The following CEP85L variants were observed in gnomAD, a reference collection of about 807,000 sequenced individuals.
The protein encoded by CEP85L is centrosomal protein 85L, also known as centrosomal protein of 85 kDa-like.
Under a neutral mutation model 100.3 loss-of-function variants are expected in CEP85L, and 60 were observed. That is an observed-to-expected ratio of 0.60 (90% confidence interval 0.49 to 0.74). The LOEUF (loss-of-function observed/expected upper bound fraction) is 0.74. Among genes scored for constraint, CEP85L ranks in the 30% least tolerant of loss-of-function variants. The probability of loss-of-function intolerance (pLI) is 0.00; values close to 1 mark genes in which losing one functional copy is unlikely to be tolerated. For synonymous variants in CEP85L, 319 were observed against 322.7 expected, an observed-to-expected ratio of 0.99 and a Z score of 0.12; for missense variants, 973 against 936.2, an observed-to-expected ratio of 1.04 and a Z score of -0.51.
intron 1 of CEP85L, among the ~76,000 whole-genome samples, chr6:118,650,004 G>A (rs750489344): frequency 6.6e-6 from 1 of 152,176 alleles, no homozygotes; most frequent in Non-Finnish European, 1.5e-5. Context: ...CTCGGTCAGT[G>A]CCTGATTTTT....
chr6:118,650,297 G>A (rs1775462642), intron 1 of CEP85L, among the ~76,000 whole-genome samples: 2 of 152,120 alleles, frequency 1.3e-5, no homozygotes, highest in African/African-American at 4.8e-5. Context: ...GATTAAAAGT[G>A]CCTGGAAAGA....
chr6:118,471,645 T>C (rs1384067038), intron 10 of CEP85L, among the ~76,000 whole-genome samples: 3 of 152,060 alleles, frequency 2.0e-5, no homozygotes, highest in Non-Finnish European at 4.4e-5. Context: ...AAATTTCATT[T>C]GTCTGCTAAA....
intron 2 of CEP85L, among the ~76,000 whole-genome samples, chr6:118,586,380 G>T (rs1418751708): frequency 6.6e-6 from 1 of 152,084 alleles, no homozygotes; most frequent in Non-Finnish European, 1.5e-5. Flanking sequence ...CTTCCAACAG[G>T]AATTAGCACA....
At chr6:118,692,765 A>G (rs541197337) in intron 1 of CEP85L, among the ~76,000 whole-genome samples, 11 of 150,800 alleles carry the variant, frequency 7.3e-5, no homozygotes, top group African/African-American at 2.7e-4. Flanking sequence ...GAAACAAGAC[A>G]TAGATACATT....
chr6:118,669,354 T>C (rs1776227238), intron 1 of CEP85L, among the ~76,000 whole-genome samples: 1 of 152,172 alleles, frequency 6.6e-6, no homozygotes, highest in Non-Finnish European at 1.5e-5. Context: ...TTAGGGAAAC[T>C]TAAAAAACAA....
intron 3 of CEP85L, among the ~76,000 whole-genome samples, chr6:118,527,962 T>C (rs1777070717): frequency 6.6e-6 from 1 of 152,116 alleles, no homozygotes; most frequent in Non-Finnish European, 1.5e-5. Flanking sequence ...TGGTCTCCTC[T>C]TCCAAAGATC....
intron 1 of CEP85L, among the ~76,000 whole-genome samples, chr6:118,683,924 CAG>C (rs1295443942): frequency 1.3e-5 from 2 of 152,154 alleles, no homozygotes; most frequent in African/African-American, 4.8e-5. Flanking sequence ...CTCATTTTGC[CAG>C]AGTCTCTTTT....
chr6:118,626,773 G>A (rs535593359), intron 2 of CEP85L, among the ~76,000 whole-genome samples: 2 of 152,316 alleles, frequency 1.3e-5, no homozygotes, highest in South Asian at 2.1e-4. Flanking sequence ...ATTCTTTGGC[G>A]TGGCTAGGCA....
At chr6:118,530,594 CT>C (rs925663979) in intron 3 of CEP85L, among the ~76,000 whole-genome samples, 9 of 152,046 alleles carry the variant, frequency 5.9e-5, no homozygotes, top group African/African-American at 1.9e-4. Context: ...TATTTGCAGA[CT>C]TTATGATTCT....
At chr6:118,689,072 T>G (rs1176920310) in intron 1 of CEP85L, among the ~76,000 whole-genome samples, 1 of 152,228 alleles carries the variant, frequency 6.6e-6, no homozygotes. Flanking sequence ...TAACACCTTC[T>G]TGTACTGACT....
intron 2 of CEP85L, among the ~76,000 whole-genome samples, chr6:118,613,365 A>C (rs1253440200): frequency 1.3e-5 from 2 of 152,256 alleles, no homozygotes; most frequent in African/African-American, 4.8e-5. Flanking sequence ...TCTAAAAAAC[A>C]AATGCAACGC....
intron 3 of CEP85L, among the ~76,000 whole-genome samples, chr6:118,531,139 T>C (rs1777267176): frequency 6.6e-6 from 1 of 152,114 alleles, no homozygotes; most frequent in Admixed American, 6.5e-5. Context: ...AGCAGCATGG[T>C]ACTGGTACAG....
intron 3 of CEP85L, chr6:118,559,293 T>C (rs747130253): frequency 6.7e-5 from 38 of 563,220 alleles, no homozygotes; most frequent in Non-Finnish European, 1.2e-4. Context: ...TTTTCAAAAA[T>C]TAACTTCAAA....
chr6:118,671,300 C>A (rs1776297918), intron 1 of CEP85L, among the ~76,000 whole-genome samples: 1 of 152,042 alleles, frequency 6.6e-6, no homozygotes. Flanking sequence ...GTATTATTTT[C>A]TTTTTTCTAC....
intron 3 of CEP85L, among the ~76,000 whole-genome samples, chr6:118,551,016 T>C (rs1357064502): frequency 1.3e-5 from 2 of 151,806 alleles, no homozygotes; most frequent in East Asian, 1.9e-4. Context: ...CCCCAATCAA[T>C]CAAAGTTTCC....
At chr6:118,649,615 C>T (rs148740322) in intron 1 of CEP85L, among the ~76,000 whole-genome samples, 1,993 of 152,156 alleles carry the variant, frequency 0.013, 30 homozygotes, top group Non-Finnish European at 0.017. Flanking sequence ...CCCTCCAGCC[C>T]CTAGGGATAA....
At chr6:118,644,675 T>C (rs1330903672) in intron 1 of CEP85L, among the ~76,000 whole-genome samples, 1 of 152,166 alleles carries the variant, frequency 6.6e-6, no homozygotes, top group African/African-American at 2.4e-5. Flanking sequence ...GATGTCATTT[T>C]TGACTCCTCT....
chr6:118,668,368 G>C (rs1776194820), intron 1 of CEP85L, among the ~76,000 whole-genome samples: 1 of 152,176 alleles, frequency 6.6e-6, no homozygotes, highest in African/African-American at 2.4e-5. Context: ...GAATAAGGTG[G>C]GTTGCACTGA....
chr6:118,626,058 C>T (rs1314351128), intron 2 of CEP85L, among the ~76,000 whole-genome samples: 2 of 152,128 alleles, frequency 1.3e-5, no homozygotes, highest in Non-Finnish European at 2.9e-5. Context: ...GAGCAGTCAT[C>T]GCCCAGTTCC....
Sources: allele counts gnomAD v4.1 joint callset (sites outside exome capture counted in the v4.1 genomes callset), GRCh38; gene constraint gnomAD v4.1.1; transcripts MANE v1.5; gene names NCBI Gene and HGNC (gene_info 2026-07-23, HGNC 2026-07-21).